Variants in C1orf52 observed in about 807,000 individuals in gnomAD.
The protein encoded by C1orf52 is chromosome 1 open reading frame 52.
In C1orf52, 5 loss-of-function variants were observed where a neutral mutation model predicts 17.2. The ratio of observed to expected loss-of-function variants is 0.29; its 90% CI spans 0.15 to 0.61. The LOEUF is 0.61. Among genes scored for constraint, C1orf52 ranks in the 20% least tolerant of loss-of-function variants. The pLI, the probability that C1orf52 is intolerant of heterozygous loss-of-function variation, is 0.85. For missense variants in C1orf52, 245 were observed against 234.1 expected (o/e 1.05, Z -0.30); for synonymous variants, 110 against 88.0 (o/e 1.25, Z -1.40).
At position 85,258,520 on chromosome 1, in the gene C1orf52, T is replaced by C. The variant is rs1660002102; in HGVS notation, c.475+4A>G. ...GACCACCATCGGATTCTGACTTTCC[T>C]TACCTGATTCCAACGTCTCCTCCCC... On this transcript the variant is annotated splice_donor_region_variant and intron_variant, in intron 2 of 2. Coordinates refer to ENST00000471115, the MANE Select transcript of C1orf52 (RefSeq NM_198077.4). 6.2e-7 allele frequency: 1 copy of C among 1,612,008 alleles called. No homozygotes were observed. The highest frequency in any genetic ancestry group is 8.5e-7 in the Non-Finnish European group (1 of 1,178,774).
chr1:85,250,324 C>T lies in C1orf52; in HGVS notation c.*2305G>A, dbSNP rs996987103. On this transcript the variant is annotated 3_prime_UTR_variant, in exon 3 of 3. Transcript: ENST00000471115. Reference sequence around the variant, plus strand: ...AAACAATCAGAAGTATCAAGTGACTCGATTCTCTAAAATGAAAGATACTTG... The same window carrying T: ...AAACAATCAGAAGTATCAAGTGACTTGATTCTCTAAAATGAAAGATACTTG... The T allele has an allele frequency of 2.6e-5, 4 of 152,068 alleles. No individual in the cohort carries two copies. Among genetic ancestry groups the T allele is most frequent in the African/African-American group, 9.7e-5 (4 of 41,400 alleles). The allele number at this position is 152,068 out of a possible 1,614,324, so 9.4% of individuals were successfully genotyped here.
At chr1:85,255,240 C>T (rs947998679) in intron 2 of C1orf52, among the ~76,000 whole-genome samples, 2 of 152,022 alleles carry the variant, frequency 1.3e-5, no homozygotes, top group Non-Finnish European at 2.9e-5. Context: ...CTTTGCTTAC[C>T]TACATTTTAC....
rs370837606 is a variant in C1orf52, at chr1:85,258,510, C to T, written c.475+14G>A. The T allele has an allele frequency of 2.1e-5, 33 of 1,605,714 alleles. No homozygotes were observed. The highest frequency in any genetic ancestry group is 2.6e-5 in the Non-Finnish European group (31 of 1,175,602). ...GATCAAAATAGACCACCATCGGATT[C>T]TGACTTTCCTTACCTGATTCCAACG... On this transcript the variant is annotated intron_variant, in intron 2 of 2. Transcript: ENST00000471115.
rs1234693584 is a variant in C1orf52 at position 85,252,604 on chromosome 1, G to A, written c.*25C>T. The A allele has an allele frequency of 1.9e-6, 3 of 1,592,198 alleles. No individual in the cohort carries two copies. Among genetic ancestry groups the A allele is most frequent in the East Asian group, 4.5e-5 (2 of 44,706 alleles). ...AAGAAACATTTCAACAAGTTTAGCA[G>A]TACAGAAATTCTGGTCATTTGTTTC... On this transcript the variant is annotated 3_prime_UTR_variant, in exon 3 of 3. Transcript: ENST00000471115.
At position 85,251,201 on chromosome 1, in the gene C1orf52, A is replaced by G. The variant is rs769250269; in HGVS notation, c.*1428T>C. On this transcript the variant is annotated 3_prime_UTR_variant, in exon 3 of 3. Transcript: ENST00000471115. ...AACAGATTTAAAAAAAAATACTTAG[A>G]TTATGTCTTTTTCTTTCTAAATTAT... 1 of 152,168 alleles carries G rather than the reference A, an allele frequency of 6.6e-6. No homozygotes were observed. Among genetic ancestry groups the G allele is most frequent in the Non-Finnish European group, 1.5e-5 (1 of 68,026 alleles). The allele number at this position is 152,168 out of a possible 1,614,324, so 9.4% of individuals were successfully genotyped here.
intron 1 of C1orf52, 92 bp downstream of exon 1, chr1:85,259,266 G>C (rs1260608686): frequency 1.4e-6 from 2 of 1,448,742 alleles, no homozygotes; most frequent in Admixed American, 1.9e-5. Context: ...GACTGCGTGT[G>C]GGGGGATGGA....
At chr1:85,253,854 G>T (rs187022082) in intron 2 of C1orf52, among the ~76,000 whole-genome samples, 12 of 152,082 alleles carry the variant, frequency 7.9e-5, no homozygotes, top group Admixed American at 2.6e-4. Context: ...ACTCCATATA[G>T]ACAGAGTAAC....
At chr1:85,257,563 A>G in intron 2 of C1orf52, 1 of 684,604 alleles carries the variant, frequency 1.5e-6, no homozygotes, top group Non-Finnish European at 2.7e-6. Context: ...GGTTTTAAGC[A>G]GGCAAGTTAT....
Position 85,258,716 on chromosome 1 carries a change from T to C in C1orf52, c.283A>G (p.Lys95Glu), listed in dbSNP as rs755124932. 3.8e-5 allele frequency: 61 copies of C among 1,605,684 alleles called. No homozygotes were observed. Among genetic ancestry groups the C allele is most frequent in the Non-Finnish European group, 4.9e-5 (58 of 1,178,418 alleles). ...HVVKAPEEPP[K>E]EFKIWKSNYV... ...TTTGACTTCCATATTTTGAATTCCT[T>C]TGGAGGCTGTTAAGCAAGCACATTA... Residue 95 changes from lysine (K) to glutamate (E), a missense_variant, in exon 2 of 3, where the codon AAG becomes GAG. Lys to Glu is a moderately conservative substitution (Grantham distance 56, BLOSUM62 1). Coordinates refer to ENST00000471115, the MANE Select transcript of C1orf52 (RefSeq NM_198077.4).
Position 85,251,806 on chromosome 1 carries a change from G to A in C1orf52, c.*823C>T, listed in dbSNP as rs1307896056. 7 of 152,214 alleles carry A rather than the reference G, an allele frequency of 4.6e-5. 1 individual carries two copies. In the Middle Eastern group the frequency reaches 0.021, roughly 447 times the overall value. 9.4% of individuals were successfully genotyped at this position (152,214 alleles called of 1,614,324 possible). On this transcript the variant is annotated 3_prime_UTR_variant, in exon 3 of 3. Transcript: ENST00000471115. ...AGGAGAGGAAAAGATCTCTACTAAC[G>A]GATCTCCAGGTACAACAGAAAAAAG...
At chr1:85,258,930 G>A (rs561322555) in intron 1 of C1orf52, 1 of 1,413,312 alleles carries the variant, frequency 7.1e-7, no homozygotes, top group African/African-American at 1.4e-5. Flanking sequence ...ATAACTTTTA[G>A]TTACCAAAGA....
Position 85,251,231 on chromosome 1 carries a change from T to C in C1orf52, c.*1398A>G, listed in dbSNP as rs1373228067. 1 of 152,246 alleles carries C rather than the reference T, an allele frequency of 6.6e-6. No homozygotes were observed. Among genetic ancestry groups the C allele is most frequent in the Non-Finnish European group, 1.5e-5 (1 of 68,044 alleles). The allele number at this position is 152,246 out of a possible 1,614,324, so 9.4% of individuals were successfully genotyped here. A position where few individuals can be genotyped will look rare whatever the true frequency, so the allele number is the denominator to read the frequency against. On this transcript the variant is annotated 3_prime_UTR_variant, in exon 3 of 3. Coordinates refer to ENST00000471115, the MANE Select transcript of C1orf52 (RefSeq NM_198077.4). ...GTCTTTTTCTTTCTAAATTATTTTTTGTAAAGATGAGGTCTTATCATGTTG... is the reference window on the plus strand; with the variant it reads ...GTCTTTTTCTTTCTAAATTATTTTTCGTAAAGATGAGGTCTTATCATGTTG...
chr1:85,258,790 C>CA, intron 1 of C1orf52, 68 bp from the exon 2 acceptor site: 1 of 1,441,494 alleles, frequency 6.9e-7, no homozygotes, highest in Non-Finnish European at 9.2e-7. Flanking sequence ...TGGGCACATG[C>CA]AACTCCCTGC....
intron 2 of C1orf52, among the ~76,000 whole-genome samples, chr1:85,255,795 T>TTACTGTGGGTTTATGA (rs143170037): frequency 2.6e-5 from 4 of 151,988 alleles, no homozygotes; most frequent in Non-Finnish European, 5.9e-5. Flanking sequence ...ATAATTGATT[T>TTACTGTGGGTTTATGA]TATAGGAATC....
chr1:85,253,224 A>G (rs1384313076), intron 2 of C1orf52, among the ~76,000 whole-genome samples: 3 of 152,230 alleles, frequency 2.0e-5, no homozygotes, highest in African/African-American at 7.2e-5. Flanking sequence ...GCATGATAGT[A>G]TTTACATTGT....
chr1:85,259,413 T>C lies in C1orf52; in HGVS notation c.221A>G (p.Asn74Ser). Residue 74 changes from asparagine (N) to serine (S), a missense_variant, in exon 1 of 3, where the codon AAT becomes AGT. Coordinates refer to ENST00000471115, the MANE Select transcript of C1orf52 (RefSeq NM_198077.4). ...RSVTRPAFLY[N>S]PLNKQIDWER... ...CCAGTCTATCTGTTTGTTGAGCGGA[T>C]TGTAGAGAAAGGCCGGGCGAGTCAC... 4 of 1,614,036 alleles carry C rather than the reference T, an allele frequency of 2.5e-6. No homozygotes were observed. Among genetic ancestry groups the C allele is most frequent in the South Asian group, 1.1e-5 (1 of 91,066 alleles).
Position 85,251,672 on chromosome 1 carries a change from A to G in C1orf52, c.*957T>C, listed in dbSNP as rs893166704. ...TCCTGAATATTAAATATACTAAAAC[A>G]TTATTTATCTGAAATTCAAATTTAA... On this transcript the variant is annotated 3_prime_UTR_variant, in exon 3 of 3. Coordinates refer to ENST00000471115, the MANE Select transcript of C1orf52 (RefSeq NM_198077.4). The G allele has an allele frequency of 1.3e-5, 2 of 152,244 alleles. No homozygotes were observed. The highest frequency in any genetic ancestry group is 2.9e-5 in the Non-Finnish European group (2 of 68,044). 9.4% of individuals were successfully genotyped at this position (152,244 alleles called of 1,614,324 possible).
rs371068912 is a variant in C1orf52, at chr1:85,259,562, G to T, written c.72C>A (p.Asp24Glu). Residue 24 changes from aspartate (D) to glutamate (E), a missense_variant, in exon 1 of 3, where the codon GAC becomes GAA. Transcript: ENST00000471115. ...CCTCCGGCTCGATGTTATCCTCCTC[G>T]TCCGAGGAGCCTGAGCTGCTGCTCC... The part of the protein sequence containing the change: ...AYGSSSSGSS[D>E]EEDNIEPEET... The T allele has an allele frequency of 6.2e-7, 1 of 1,612,416 alleles. No individual in the cohort carries two copies. Among genetic ancestry groups the T allele is most frequent in the African/African-American group, 1.3e-5 (1 of 74,856 alleles).
intron 2 of C1orf52, among the ~76,000 whole-genome samples, chr1:85,255,156 A>G (rs1238146897): frequency 6.6e-6 from 1 of 152,252 alleles, no homozygotes; most frequent in African/African-American, 2.4e-5. Flanking sequence ...AGTGTAAACT[A>G]AAAATCACTA....
Sources: allele counts gnomAD v4.1 joint callset (sites outside exome capture counted in the v4.1 genomes callset), GRCh38; gene constraint gnomAD v4.1.1; transcripts MANE v1.5; gene names NCBI Gene and HGNC (gene_info 2026-07-23, HGNC 2026-07-21).